SLC39A14: variants seen among roughly 807,000 people sequenced by gnomAD.
The protein encoded by SLC39A14 is solute carrier family 39 member 14, also known as metal cation symporter ZIP14.
In SLC39A14, 19 loss-of-function variants were observed where a neutral mutation model predicts 45.5. That is an observed-to-expected ratio of 0.42 (90% CI 0.29 to 0.61). SLC39A14 has a LOEUF of 0.61. Among genes scored for constraint, SLC39A14 ranks in the 20% least tolerant of loss-of-function variants. The pLI, the probability that SLC39A14 is intolerant of heterozygous loss-of-function variation, is 0.22. For synonymous variants in SLC39A14, 264 were observed against 251.3 expected (o/e 1.05, Z -0.48); for missense variants, 447 against 616.5 (o/e 0.73, Z 2.91).
intron 3 of SLC39A14, among the ~76,000 whole-genome samples, chr8:22,411,616 C>T (rs1416226158): frequency 6.6e-6 from 1 of 152,176 alleles, no homozygotes; most frequent in Non-Finnish European, 1.5e-5. Flanking sequence ...TAAAGAGAGC[C>T]CTCGAGTCCA....
In SLC39A14 at chr8:22,396,600, A is replaced by AGAGAAGGAC. The variant is rs1563534591; in HGVS notation, c.-15-8094_-15-8093insGAAGGACGA. ...AGAGAGAGAGAGAGAGAGAGAGAGA[A>AGAGAAGGAC]GACTAAGTGGAATTTGGAATTGGAT... On this transcript the variant is annotated intron_variant, in intron 1 of 8. Coordinates refer to ENST00000381237, the MANE Select transcript of SLC39A14 (RefSeq NM_001128431.4). Among the ~76,000 whole-genome samples, 18 of 25,190 alleles carry AGAGAAGGAC rather than the reference A, an allele frequency of 7.1e-4. 2 individuals carry two copies. Among genetic ancestry groups the AGAGAAGGAC allele is most frequent in the South Asian group, 2.4e-3 (1 of 418 alleles). The allele number at this position is 25,190 out of a possible 152,430, so 16.5% of individuals were successfully genotyped here.
At chr8:22,375,072 A>G (rs774487804) in intron 1 of SLC39A14, among the ~76,000 whole-genome samples, 18 of 151,992 alleles carry the variant, frequency 1.2e-4, no homozygotes, top group Non-Finnish European at 2.6e-4. Context: ...GAGCAACTCC[A>G]TGGCCCCACG....
chr8:22,385,894 T>A (rs970636826), intron 1 of SLC39A14, among the ~76,000 whole-genome samples: 1 of 152,132 alleles, frequency 6.6e-6, no homozygotes, highest in African/African-American at 2.4e-5. Flanking sequence ...TGGGAAGACA[T>A]TGGAGGGGTT....
chr8:22,413,885 C>T (rs528224287), intron 4 of SLC39A14, among the ~76,000 whole-genome samples: 1 of 152,254 alleles, frequency 6.6e-6, no homozygotes, highest in South Asian at 2.1e-4. Flanking sequence ...AGCCATTCTC[C>T]TGCCTCACAC....
chr8:22,380,348 G>A (rs1833439606), intron 1 of SLC39A14, among the ~76,000 whole-genome samples: 1 of 152,198 alleles, frequency 6.6e-6, no homozygotes, highest in African/African-American at 2.4e-5. Flanking sequence ...TTAAGTGATT[G>A]CAGAGTGTCG....
chr8:22,368,682 G>A (rs141892929), intron 1 of SLC39A14, among the ~76,000 whole-genome samples: 33,762 of 151,748 alleles, frequency 0.22, 4,674 homozygotes, highest in East Asian at 0.5. Flanking sequence ...GACTACAGGC[G>A]CGTGCCACCA....
At chr8:22,424,513 A>C (rs1316900836), downstream of SLC39A14, among the ~76,000 whole-genome samples, 1 of 152,150 alleles carries the variant, frequency 6.6e-6, no homozygotes, top group African/African-American at 2.4e-5. Context: ...GCCATTTGCT[A>C]TTCAAAATGA....
At chr8:22,394,107 A>G (rs1356471791) in intron 1 of SLC39A14, among the ~76,000 whole-genome samples, 2 of 151,580 alleles carry the variant, frequency 1.3e-5, no homozygotes, top group African/African-American at 2.4e-5. Context: ...CCGGGGTTCA[A>G]GTGATTCTCC....
intron 8 of SLC39A14, among the ~76,000 whole-genome samples, chr8:22,432,427 C>G (rs1278107214): frequency 2.6e-5 from 4 of 151,824 alleles, no homozygotes; most frequent in Non-Finnish European, 5.9e-5. Flanking sequence ...CTCCTTCCCT[C>G]CCTTCTCTCT....
At chr8:22,393,138 GAAATTT>G in intron 1 of SLC39A14, 3 of 948,660 alleles carry the variant, frequency 3.2e-6, no homozygotes, top group South Asian at 9.7e-5. Context: ...GCACTGTCTG[GAAATTT>G]CCCACCCTGG....
rs568185291 is a variant in SLC39A14, at chr8:22,397,254, AGAAGTAGC to A, written c.-15-7441_-15-7434del. ...GCCACTAGCACCCGCAGTCCTCAAG[AGAAGTAGC>A]CCTTGATTTTTTTTATTCCTTAAGA... On this transcript the variant is annotated intron_variant, in intron 1 of 8. Transcript: ENST00000381237. 1.7e-3 allele frequency among the ~76,000 whole-genome samples: 263 copies of A among 152,220 alleles called. 2 individuals carry two copies. The highest frequency in any genetic ancestry group is 5.9e-3 in the African/African-American group (243 of 41,534).
chr8:22,416,551 A>G (rs1835894729), intron 7 of SLC39A14, among the ~76,000 whole-genome samples: 1 of 151,556 alleles, frequency 6.6e-6, no homozygotes, highest in Admixed American at 6.6e-5. Context: ...CAGTCTCCCA[A>G]GTAGCTGGGA....
intron 3 of SLC39A14, 29 bp from the exon 4 acceptor site, chr8:22,412,008 G>C (rs775577461): frequency 1.3e-6 from 2 of 1,542,174 alleles, no homozygotes; most frequent in Non-Finnish European, 1.7e-6. Flanking sequence ...CCTGCCCTGG[G>C]TGGGGCTGGC....
intron 1 of SLC39A14, among the ~76,000 whole-genome samples, chr8:22,400,609 CT>C (rs1563547737): frequency 6.6e-6 from 1 of 152,234 alleles, no homozygotes; most frequent in Non-Finnish European, 1.5e-5. Flanking sequence ...CAAAGTAGCA[CT>C]TTTACAAACC....
chr8:22,414,476 C>G (rs934257791), intron 4 of SLC39A14, among the ~76,000 whole-genome samples: 3 of 152,146 alleles, frequency 2.0e-5, no homozygotes, highest in Non-Finnish European at 2.9e-5. Context: ...TAGCAAAGCA[C>G]CAAGATAAAT....
chr8:22,379,757 C>T (rs910383273), intron 1 of SLC39A14, among the ~76,000 whole-genome samples: 10 of 151,804 alleles, frequency 6.6e-5, no homozygotes, highest in African/African-American at 1.5e-4. Flanking sequence ...GGTGAAACCC[C>T]GTCTGTACTA....
At chr8:22,374,042 G>A (rs1004018560) in intron 1 of SLC39A14, among the ~76,000 whole-genome samples, 1 of 152,222 alleles carries the variant, frequency 6.6e-6, no homozygotes, top group African/African-American at 2.4e-5. Context: ...GAAGTGCTGG[G>A]ACTAAAGGCG....
chr8:22,378,860 C>G (rs1374892692), intron 1 of SLC39A14, among the ~76,000 whole-genome samples: 1 of 152,198 alleles, frequency 6.6e-6, no homozygotes, highest in African/African-American at 2.4e-5. Context: ...ATGATCAGGT[C>G]TTAATTCTGG....
chr8:22,392,170 G>A (rs1834111637), intron 1 of SLC39A14, among the ~76,000 whole-genome samples: 1 of 152,180 alleles, frequency 6.6e-6, no homozygotes, highest in Non-Finnish European at 1.5e-5. Context: ...GGACAGGGAG[G>A]CAATTGAACA....
Sources: allele counts gnomAD v4.1 joint callset (sites outside exome capture counted in the v4.1 genomes callset), GRCh38; gene constraint gnomAD v4.1.1; transcripts MANE v1.5; gene names NCBI Gene and HGNC (gene_info 2026-07-23, HGNC 2026-07-21).